TASOR: variants seen among roughly 807,000 people sequenced by gnomAD.
TASOR encodes the protein transcription activation suppressor, also known as protein TASOR.
Under a neutral mutation model 178.6 loss-of-function variants are expected in TASOR, and 53 were observed. The observed-to-expected ratio is 0.30, with a 90% confidence interval of 0.24 to 0.37. The LOEUF (loss-of-function observed/expected upper bound fraction) is 0.37. TASOR is among the 10% of genes least tolerant of loss of function. The pLI, the probability that TASOR is intolerant of heterozygous loss-of-function variation, is 1.00. For synonymous variants in TASOR, 713 were observed against 696.2 expected (o/e 1.02, Z -0.38); for missense variants, 1,815 against 1,971.4 (o/e 0.92, Z 1.50).
At chr3:56,670,578 A>C (rs1337959995) in intron 3 of TASOR, among the ~76,000 whole-genome samples, 1 of 152,146 alleles carries the variant, frequency 6.6e-6, no homozygotes, top group East Asian at 1.9e-4. Flanking sequence ...ATATATAACC[A>C]ATTCTTTTCA....
At chr3:56,629,595 T>C (rs974809502) in intron 18 of TASOR, among the ~76,000 whole-genome samples, 1 of 152,230 alleles carries the variant, frequency 6.6e-6, no homozygotes, top group Non-Finnish European at 1.5e-5. Flanking sequence ...TCTTCCTCCA[T>C]GCTGGTGAAC....
intron 11 of TASOR, among the ~76,000 whole-genome samples, chr3:56,658,567 G>T (rs532940443): frequency 5.9e-5 from 9 of 152,184 alleles, no homozygotes; most frequent in Non-Finnish European, 1.3e-4. Context: ...CAGGCTTTCA[G>T]AAGAAAACAA....
intron 1 of TASOR, among the ~76,000 whole-genome samples, chr3:56,674,377 G>C (rs1413054551): frequency 6.6e-6 from 1 of 151,560 alleles, no homozygotes; most frequent in Non-Finnish European, 1.5e-5. Flanking sequence ...AGGCATGGTG[G>C]TGCATGCCTG....
At chr3:56,682,574 G>A in intron 1 of TASOR, 102 bp downstream of exon 1, 1 of 1,104,576 alleles carries the variant, frequency 9.1e-7, no homozygotes, top group Non-Finnish European at 1.2e-6. Flanking sequence ...CTGCATGCGT[G>A]TTTACGTATC....
Position 56,641,734 on chromosome 3 carries a change from C to A in TASOR, c.2234G>T (p.Gly745Val). The A allele has an allele frequency of 1.2e-6, 2 of 1,613,010 alleles. No homozygotes were observed. The highest frequency in any genetic ancestry group is 1.7e-5 in the Admixed American group (1 of 59,986). Residue 745 changes from glycine (G) to valine (V), a missense_variant, in exon 15 of 24, where the codon GGC (glycine) becomes GTC (valine). Physicochemically the swap from Gly to Val is moderately radical, Grantham distance 109 (BLOSUM62 -3). Around this residue, in one of 5 missense-constraint regions of TASOR, gnomAD observed 655 missense variants for 671.1 expected, o/e 0.98. Coordinates refer to ENST00000683822, the MANE Select transcript of TASOR (RefSeq NM_001365635.2). ...CAAGTCAGCATCATGTCCAAGTGAG[C>A]CAATAGGCTGTGGAGACTCTGAGAA... ...HLYEESPQPI[G>V]SLGHDADLRR...
intron 6 of TASOR, 76 bp downstream of exon 6, chr3:56,668,321 G>GA: frequency 7.1e-7 from 1 of 1,399,760 alleles, no homozygotes; most frequent in Non-Finnish European, 9.7e-7. Flanking sequence ...AGAGAGAACT[G>GA]AAAGGGAGAC....
intron 11 of TASOR, among the ~76,000 whole-genome samples, chr3:56,653,360 C>T (rs1170202329): frequency 7.4e-6 from 1 of 134,766 alleles, no homozygotes; most frequent in Non-Finnish European, 1.6e-5. Flanking sequence ...GAAAAAAAGA[C>T]ACAAATCCAC....
intron 1 of TASOR, among the ~76,000 whole-genome samples, chr3:56,676,964 C>G (rs1661321766): frequency 6.6e-6 from 1 of 152,212 alleles, no homozygotes; most frequent in Admixed American, 6.5e-5. Flanking sequence ...GCAAATGCCT[C>G]AGTGGCTTCG....
chr3:56,681,005 CT>C (rs1042449881), intron 1 of TASOR, among the ~76,000 whole-genome samples: 2 of 151,784 alleles, frequency 1.3e-5, no homozygotes, highest in Admixed American at 1.3e-4. Context: ...AACACAGTGC[CT>C]TTCCAGTTCC....
chr3:56,670,152 T>C lies in TASOR; in HGVS notation c.571-7A>G. 1 of 1,492,732 alleles carries C rather than the reference T, an allele frequency of 6.7e-7. No individual in the cohort carries two copies. Among genetic ancestry groups the C allele is most frequent in the Non-Finnish European group, 9.0e-7 (1 of 1,114,822 alleles). 92.5% of individuals were successfully genotyped at this position (1,492,732 alleles called of 1,614,324 possible). On this transcript the variant is annotated splice_region_variant and splice_polypyrimidine_tract_variant and intron_variant, in intron 3 of 23. Coordinates refer to ENST00000683822, the MANE Select transcript of TASOR (RefSeq NM_001365635.2). ...TTTCACATATGGTTTGAACCTAAATTTAAAAAAAAATACTTCATCTTGCAG... is the reference window on the plus strand; with the variant it reads ...TTTCACATATGGTTTGAACCTAAATCTAAAAAAAAATACTTCATCTTGCAG...
intron 14 of TASOR, among the ~76,000 whole-genome samples, chr3:56,643,648 G>A (rs894459692): frequency 2.6e-5 from 4 of 151,968 alleles, no homozygotes; most frequent in Admixed American, 6.6e-5. Context: ...CCAGCTACTC[G>A]GGAGGCTGAG....
At chr3:56,673,937 G>A (rs1366457394) in intron 1 of TASOR, among the ~76,000 whole-genome samples, 2 of 152,028 alleles carry the variant, frequency 1.3e-5, no homozygotes, top group African/African-American at 4.8e-5. Flanking sequence ...TCAACAATGA[G>A]GATCTGGCAT....
chr3:56,621,593 A>AAGAG lies in TASOR; in HGVS notation c.*1440_*1443dup, dbSNP rs570037412. The AAGAG allele has an allele frequency of 3.3e-3, 5,308 of 1,599,706 alleles. 9 individuals are homozygous for AAGAG. Among genetic ancestry groups the AAGAG allele is most frequent in the Non-Finnish European group, 4.2e-3 (4,957 of 1,173,680 alleles). The stretch of plus-strand genomic sequence containing the variant: ...CTCCTGCCTTTAGCTGAAAATCAAG[A>AAGAG]AGAGAGTTTTGGTTCTTCATTTTAA... On this transcript the variant is annotated 3_prime_UTR_variant, in exon 24 of 24. Coordinates refer to ENST00000683822, the MANE Select transcript of TASOR (RefSeq NM_001365635.2).
At chr3:56,651,717 GAAGGA>G (rs2077356425) in intron 11 of TASOR, among the ~76,000 whole-genome samples, 1 of 148,908 alleles carries the variant, frequency 6.7e-6, no homozygotes, top group Non-Finnish European at 1.5e-5. Flanking sequence ...AAAAAGCTTA[GAAGGA>G]AATAAGCTAC....
intron 9 of TASOR, 37 bp from the exon 10 acceptor site, chr3:56,661,054 G>C (rs1012182316): frequency 2.1e-6 from 3 of 1,414,358 alleles, no homozygotes; most frequent in Non-Finnish European, 3.0e-6. Flanking sequence ...TGCCTTATCT[G>C]TATTTTCAAC....
At position 56,649,071 on chromosome 3, in the gene TASOR, G is replaced by T. The variant is rs978999217; in HGVS notation, c.1369-14C>A. ...TTTAACAAGAACCTGTATTTTGAGG[G>T]GAAGGAAGAAGTTGTATCTGCTTTA... On this transcript the variant is annotated splice_polypyrimidine_tract_variant and intron_variant, in intron 11 of 23. Coordinates refer to ENST00000683822, the MANE Select transcript of TASOR (RefSeq NM_001365635.2). The T allele has an allele frequency of 1.9e-6, 3 of 1,586,986 alleles. No individual in the cohort carries two copies. The highest frequency in any genetic ancestry group is 2.6e-6 in the Non-Finnish European group (3 of 1,167,926).
chr3:56,664,967 G>A (rs2077675073), intron 7 of TASOR, among the ~76,000 whole-genome samples: 1 of 152,188 alleles, frequency 6.6e-6, no homozygotes, highest in Non-Finnish European at 1.5e-5. Context: ...TTGAGGCCAG[G>A]AGTTTGAGAC....
chr3:56,649,406 G>C lies in TASOR; in HGVS notation c.1369-349C>G, dbSNP rs568048567. Among the ~76,000 whole-genome samples the C allele has an allele frequency of 4.6e-5, 7 of 152,246 alleles. No homozygotes were observed. In the South Asian group the frequency reaches 1.5e-3, roughly 32 times the overall value. On this transcript the variant is annotated intron_variant, in intron 11 of 23. Coordinates refer to ENST00000683822, the MANE Select transcript of TASOR (RefSeq NM_001365635.2). ...AAAAGACATGTTTATTAATGGCCAA[G>C]GTAATGTGCTAGATGCTAGATACAA... is the stretch of plus-strand genomic sequence containing the variant.
At chr3:56,636,584 T>C (rs1333058814) in intron 17 of TASOR, among the ~76,000 whole-genome samples, 2 of 151,830 alleles carry the variant, frequency 1.3e-5, no homozygotes, top group African/African-American at 4.8e-5. Flanking sequence ...TTTTTATTTT[T>C]AGTAGACAGG....
Sources: allele counts gnomAD v4.1 joint callset (sites outside exome capture counted in the v4.1 genomes callset), GRCh38; gene constraint gnomAD v4.1.1; regional missense constraint gnomAD v4.1.1; transcripts MANE v1.5; gene names NCBI Gene and HGNC (gene_info 2026-07-23, HGNC 2026-07-21).